Variants in JMJD1C observed in about 807,000 individuals in gnomAD.
The protein encoded by JMJD1C is jumonji domain-containing protein 1C.
JMJD1C carries 31 observed loss-of-function variants against 245.3 expected under a neutral mutation model. The observed-to-expected ratio is 0.13, with a 90% confidence interval of 0.09 to 0.17. The LOEUF is 0.17. Ranked by LOEUF, JMJD1C falls within the 10% of genes least tolerant of loss-of-function variation. The pLI is 1.00. For missense variants in JMJD1C, 2,691 were observed against 3,000.2 expected (o/e 0.90, Z 2.41); for synonymous variants, 1,057 against 1,017.4 (o/e 1.04, Z -0.74).
At chr10:63,168,611 G>A (rs763370589) in intron 24 of JMJD1C, 45 bp from the exon 25 acceptor site, 10 of 1,507,044 alleles carry the variant, frequency 6.6e-6, no homozygotes, top group East Asian at 2.4e-5. Context: ...TTAGGAGGTG[G>A]AGCAAAGAAA....
At chr10:63,193,771 A>AT (rs2052192950) in intron 14 of JMJD1C, 1 of 195,134 alleles carries the variant, frequency 5.1e-6, no homozygotes, top group South Asian at 1.0e-4. Flanking sequence ...GGTTCATGCC[A>AT]TTCTCCTGCC....
chr10:63,480,471 C>T (rs1953797395), intron 1 of JMJD1C, among the ~76,000 whole-genome samples: 2 of 151,974 alleles, frequency 1.3e-5, no homozygotes, highest in Admixed American at 6.6e-5. Context: ...GAATGACACA[C>T]CACACCTGGC....
At chr10:63,345,219 G>A (rs556908070) in intron 2 of JMJD1C, among the ~76,000 whole-genome samples, 2 of 152,314 alleles carry the variant, frequency 1.3e-5, no homozygotes, top group East Asian at 3.9e-4. Flanking sequence ...GGGTGCAGTG[G>A]CTAACGCCTG....
chr10:63,455,691 C>T (rs987642017), intron 1 of JMJD1C, among the ~76,000 whole-genome samples: 2 of 151,902 alleles, frequency 1.3e-5, no homozygotes, highest in Non-Finnish European at 2.9e-5. Context: ...ATTTTCTGGC[C>T]TATGAAATCA....
intron 1 of JMJD1C, among the ~76,000 whole-genome samples, chr10:63,432,148 C>G (rs1354464882): frequency 6.6e-6 from 1 of 152,192 alleles, no homozygotes; most frequent in South Asian, 2.1e-4. Context: ...TTCTGGCAAA[C>G]TCTCCTCACT....
intron 3 of JMJD1C, among the ~76,000 whole-genome samples, chr10:63,255,950 T>C (rs747162438): frequency 2.6e-5 from 4 of 152,110 alleles, no homozygotes; most frequent in Non-Finnish European, 5.9e-5. Flanking sequence ...AATAAATCAA[T>C]CCTATGATCT....
chr10:63,488,559 C>T (rs986732381), intron 1 of JMJD1C, among the ~76,000 whole-genome samples: 1 of 150,982 alleles, frequency 6.6e-6, no homozygotes, highest in African/African-American at 2.4e-5. Context: ...AAAAACTGTA[C>T]TATATTTAAA....
chr10:63,475,242 A>G (rs1006264965), intron 1 of JMJD1C, among the ~76,000 whole-genome samples: 13 of 152,162 alleles, frequency 8.5e-5, no homozygotes, highest in Non-Finnish European at 1.8e-4. Flanking sequence ...ACAGCTAAGG[A>G]TACTCCCCAT....
chr10:63,480,211 C>T (rs764605530), intron 1 of JMJD1C, among the ~76,000 whole-genome samples: 1 of 152,074 alleles, frequency 6.6e-6, no homozygotes, highest in Non-Finnish European at 1.5e-5. Flanking sequence ...CCCATTTCAC[C>T]AAGATGCAAA....
Position 63,341,569 on chromosome 10 carries a change from G to A in JMJD1C, c.333+38749C>T, listed in dbSNP as rs146549632. Among the ~76,000 whole-genome samples, 941 of 152,296 alleles carry A rather than the reference G, an allele frequency of 6.2e-3. 3 individuals are homozygous for A. The highest frequency in any genetic ancestry group is 0.011 in the Non-Finnish European group (773 of 68,030). ...CCATATTAAGCTAATGAAAAGGAAT[G>A]GGACATCTTTTTTGAATGGTTTCAC... is the stretch of plus-strand genomic sequence containing the variant. On this transcript the variant is annotated intron_variant, in intron 2 of 25. Coordinates refer to ENST00000399262, the MANE Select transcript of JMJD1C (RefSeq NM_032776.3).
chr10:63,214,960 T>C lies in JMJD1C; in HGVS notation c.1207A>G (p.Asn403Asp), dbSNP rs779725653. The change falls in exon 8 of 26, where the codon AAT becomes GAT. Residue 403 changes from asparagine to aspartate, a missense_variant. By Grantham distance (23) the Asn-to-Asp change is conservative. Transcript: ENST00000399262. ...SEQKPENELK[N>D]KNTSKINGEE... ...CCATTTATTTTTGAAGTATTTTTATTTTTCAATTCATTCTCTGGCTTCTGT... is the reference window on the plus strand; with the variant it reads ...CCATTTATTTTTGAAGTATTTTTATCTTTCAATTCATTCTCTGGCTTCTGT... The C allele has an allele frequency of 5.6e-6, 9 of 1,600,002 alleles. No individual in the cohort carries two copies. The highest frequency in any genetic ancestry group is 5.2e-5 in the Admixed American group (3 of 58,186).
intron 1 of JMJD1C, among the ~76,000 whole-genome samples, chr10:63,397,372 C>T (rs1948573611): frequency 6.6e-6 from 1 of 152,104 alleles, no homozygotes; most frequent in South Asian, 2.1e-4. Context: ...TGCCACCACA[C>T]CCGGCTTATT....
chr10:63,177,750 T>C lies in JMJD1C; in HGVS notation c.7191A>G (p.Lys2397=), dbSNP rs1208194835. 6.2e-6 allele frequency: 10 copies of C among 1,613,998 alleles called. No individual in the cohort carries two copies. The highest frequency in any genetic ancestry group is 2.2e-5 in the East Asian group (1 of 44,886). ...GAAATTCCCTTATCTTGTCAACATC[T>C]TTCCCAGCATAAATATGCCACAGAG... ...PGALWHIYAG[K]DVDKIREFLQ... is the part of the protein sequence containing the mutation. Residue 2397 remains lysine (K), a synonymous_variant, in exon 23 of 26, where the codon AAA becomes AAG. Transcript: ENST00000399262.
At chr10:63,349,489 C>A (rs1000485616) in intron 2 of JMJD1C, among the ~76,000 whole-genome samples, 2 of 152,180 alleles carry the variant, frequency 1.3e-5, no homozygotes, top group African/African-American at 2.4e-5. Context: ...CATAATCAAT[C>A]CCTGTCCTCA....
At chr10:63,322,055 A>T (rs1285798574) in intron 2 of JMJD1C, among the ~76,000 whole-genome samples, 1 of 152,246 alleles carries the variant, frequency 6.6e-6, no homozygotes, top group Non-Finnish European at 1.5e-5. Flanking sequence ...ATGATGAAAT[A>T]TCTTCTCATC....
At chr10:63,520,675 T>C (rs1955186161) in intron 1 of JMJD1C, among the ~76,000 whole-genome samples, 1 of 152,184 alleles carries the variant, frequency 6.6e-6, no homozygotes. Flanking sequence ...AGCCTTTACT[T>C]TGAACATCTG....
chr10:63,389,864 A>G (rs1947916165), intron 1 of JMJD1C, among the ~76,000 whole-genome samples: 1 of 152,182 alleles, frequency 6.6e-6, no homozygotes, highest in Admixed American at 6.5e-5. Context: ...AATTCAAAAC[A>G]TACCAAAATC....
chr10:63,316,364 C>A (rs1012346239), intron 2 of JMJD1C, among the ~76,000 whole-genome samples: 3 of 152,132 alleles, frequency 2.0e-5, no homozygotes, highest in Non-Finnish European at 2.9e-5. Context: ...GCTTTTGAGG[C>A]ATTTGGTTAT....
chr10:63,222,126 T>A lies in JMJD1C; in HGVS notation c.448-2143A>T, dbSNP rs557153611. ...CTTTAAAACTTCCTTACATAGCACT[T>A]CCGCCAGGGAGGTCCCCCATCTGCA... On this transcript the variant is annotated intron_variant, in intron 3 of 25. Coordinates refer to ENST00000399262, the MANE Select transcript of JMJD1C (RefSeq NM_032776.3). 95 of 686,950 alleles carry A rather than the reference T, an allele frequency of 1.4e-4. No homozygotes were observed. In the East Asian group the frequency reaches 2.4e-3, roughly 17 times the overall value. 42.6% of individuals were successfully genotyped at this position (686,950 alleles called of 1,614,324 possible).
Sources: allele counts gnomAD v4.1 joint callset (sites outside exome capture counted in the v4.1 genomes callset), GRCh38; gene constraint gnomAD v4.1.1; transcripts MANE v1.5; gene names NCBI Gene and HGNC (gene_info 2026-07-23, HGNC 2026-07-21).